The following VAPA variants were observed in gnomAD, a reference collection of about 807,000 sequenced individuals.
VAPA encodes VAMP associated protein A.
A neutral mutation model predicts 25.6 loss-of-function variants in VAPA; 6 were observed. The observed-to-expected ratio is 0.23, with a 90% confidence interval of 0.13 to 0.46. The LOEUF (loss-of-function observed/expected upper bound fraction) is 0.46. Among genes scored for constraint, VAPA ranks in the 20% least tolerant of loss-of-function variants. The pLI is 0.99. For synonymous variants in VAPA, 112 were observed against 106.2 expected, an observed-to-expected ratio of 1.05 and a Z score of -0.34; for missense variants, 244 against 302.1, an observed-to-expected ratio of 0.81 and a Z score of 1.43.
At chr18:9,944,531 G>A (rs941183255) in intron 4 of VAPA, among the ~76,000 whole-genome samples, 13 of 152,086 alleles carry the variant, frequency 8.5e-5, no homozygotes, top group African/African-American at 2.9e-4. Flanking sequence ...CAGATTGAGT[G>A]TTATCAAAGA....
intron 4 of VAPA, 163 bp from the exon 5 acceptor site, chr18:9,950,232 G>A: frequency 1.6e-6 from 1 of 631,284 alleles, no homozygotes; most frequent in Non-Finnish European, 2.7e-6. Flanking sequence ...GGAATAGAGG[G>A]AGTGGGCTGG....
At position 9,914,186 on chromosome 18, in the gene VAPA, C is replaced by T. The variant is rs2069088481; in HGVS notation, c.-71C>T. On this transcript the variant is annotated 5_prime_UTR_variant, in exon 1 of 6. Coordinates refer to ENST00000400000, the MANE Select transcript of VAPA (RefSeq NM_194434.3). ...TCCTAGAGCTCGGCCGAGCCGTCGC[C>T]GCCGTCGTCCCCCGCCCCCAGTCAG... 5.0e-6 allele frequency: 7 copies of T among 1,410,020 alleles called. No individual in the cohort carries two copies. The highest frequency in any genetic ancestry group is 1.5e-5 in the African/African-American group (1 of 66,582). 87.3% of individuals were successfully genotyped at this position (1,410,020 alleles called of 1,614,324 possible). A position where few individuals can be genotyped will look rare whatever the true frequency, so the allele number is the denominator to read the frequency against.
At chr18:9,939,782 C>T (rs1474275911) in intron 4 of VAPA, among the ~76,000 whole-genome samples, 1 of 152,096 alleles carries the variant, frequency 6.6e-6, no homozygotes, top group Admixed American at 6.6e-5. Flanking sequence ...CTACAGTTAA[C>T]CTGTTTAGTG....
At chr18:9,953,550 G>A (rs1309876146) in intron 5 of VAPA, among the ~76,000 whole-genome samples, 3 of 152,190 alleles carry the variant, frequency 2.0e-5, no homozygotes, top group Non-Finnish European at 4.4e-5. Flanking sequence ...CTGCTGTTCC[G>A]GTTCCTTAGT....
chr18:9,946,689 G>C (rs2069427589), intron 4 of VAPA, among the ~76,000 whole-genome samples: 2 of 152,052 alleles, frequency 1.3e-5, no homozygotes, highest in African/African-American at 4.8e-5. Context: ...AGAACTGGAA[G>C]TTGTTTTGGG....
At chr18:9,953,930 C>G in intron 5 of VAPA, 123 bp from the exon 6 acceptor site, 1 of 1,196,290 alleles carries the variant, frequency 8.4e-7, no homozygotes. Context: ...AGTTAATCCC[C>G]TTTTCCGTCC....
At chr18:9,923,259 AG>A (rs1319727109) in intron 1 of VAPA, among the ~76,000 whole-genome samples, 259 of 151,434 alleles carry the variant, frequency 1.7e-3, no homozygotes, top group Non-Finnish European at 2.9e-3. Flanking sequence ...TAGCTTTTTA[AG>A]GAAATGATTA....
chr18:9,954,083 C>T lies in VAPA; in HGVS notation c.622C>T (p.His208Tyr). 1 of 1,614,028 alleles carries T rather than the reference C, an allele frequency of 6.2e-7. No individual in the cohort carries two copies. The highest frequency in any genetic ancestry group is 8.5e-7 in the Non-Finnish European group (1 of 1,179,990). ...DEGLRLRKVA[H>Y]SDKPGSTSTA... ...AGGTTTAAGGCTCAGAAAGGTAGCA[C>T]ATTCGGATAAACCTGGATCAACCTC... Residue 208 changes from histidine (H) to tyrosine (Y), a missense_variant, in exon 6 of 6, where the codon CAT (histidine) becomes TAT (tyrosine). This residue lies in a region of VAPA where 145 missense variants were observed against 140.6 expected (regional missense o/e 1.03). Coordinates refer to ENST00000400000, the MANE Select transcript of VAPA (RefSeq NM_194434.3).
chr18:9,931,478 G>C (rs2069254245), intron 1 of VAPA, among the ~76,000 whole-genome samples: 1 of 152,128 alleles, frequency 6.6e-6, no homozygotes, highest in African/African-American at 2.4e-5. Context: ...AGACAACTGG[G>C]AAATTCTGTT....
chr18:9,921,764 A>G (rs978466696), intron 1 of VAPA, among the ~76,000 whole-genome samples: 13 of 152,216 alleles, frequency 8.5e-5, no homozygotes, highest in Non-Finnish European at 1.5e-4. Context: ...TTAACTTGCA[A>G]ATGCTTGTTT....
intron 5 of VAPA, among the ~76,000 whole-genome samples, chr18:9,951,761 G>A (rs1170028125): frequency 2.0e-5 from 3 of 152,130 alleles, no homozygotes; most frequent in East Asian, 1.9e-4. Context: ...CTTTTGTTAG[G>A]TGTATGTAGG....
Position 9,954,151 on chromosome 18 carries a change from A to C in VAPA, c.690A>C (p.Ser230=), listed in dbSNP as rs750038568. ...ATAATGTCACCAGTCCTCTTCCTTC[A>C]CTTCTTGTTGTAATTGCAGCCATTT... is the stretch of plus-strand genomic sequence containing the variant. The part of the protein sequence containing the change: ...FRDNVTSPLP[S]LLVVIAAIFI... The change falls in exon 6 of 6, where the codon TCA becomes TCC. Residue 230 remains serine (S), a synonymous_variant. Coordinates refer to ENST00000400000, the MANE Select transcript of VAPA (RefSeq NM_194434.3). 6.2e-7 allele frequency: 1 copy of C among 1,613,604 alleles called. No homozygotes were observed. Among genetic ancestry groups the C allele is most frequent in the Non-Finnish European group, 8.5e-7 (1 of 1,179,814 alleles).
In VAPA at chr18:9,956,696, A is replaced by G. The variant is rs2069554934; in HGVS notation, c.*2485A>G. Reference sequence around the variant, plus strand: ...CCAACTGTATTAATTGACTGATAATATGATAATATAGAGATTAAATTGTTT... The same window carrying G: ...CCAACTGTATTAATTGACTGATAATGTGATAATATAGAGATTAAATTGTTT... On this transcript the variant is annotated 3_prime_UTR_variant, in exon 6 of 6. Coordinates refer to ENST00000400000, the MANE Select transcript of VAPA (RefSeq NM_194434.3). 6.5e-6 allele frequency: 1 copy of G among 152,678 alleles called. No homozygotes were observed. Among genetic ancestry groups the G allele is most frequent in the Non-Finnish European group, 1.5e-5 (1 of 68,050 alleles). The allele number at this position is 152,678 out of a possible 1,614,324, so 9.5% of individuals were successfully genotyped here.
intron 2 of VAPA, among the ~76,000 whole-genome samples, 170 bp downstream of exon 2, chr18:9,932,132 C>G (rs975355439): frequency 6.6e-6 from 1 of 152,232 alleles, no homozygotes. Flanking sequence ...CAGAAAATTT[C>G]TCACTCATCT....
rs921695640 is a variant in VAPA, at chr18:9,934,571, G to A, written c.233-1539G>A. 5.5e-4 allele frequency among the ~76,000 whole-genome samples: 83 copies of A among 152,136 alleles called. 1 individual carries two copies. The highest frequency in any genetic ancestry group is 4.0e-4 in the Non-Finnish European group (27 of 68,030). On this transcript the variant is annotated intron_variant, in intron 2 of 5. Coordinates refer to ENST00000400000, the MANE Select transcript of VAPA (RefSeq NM_194434.3). ...CTTCTCAGACACACCTTATGAATAAGACTTTATTACATAATTATTTCTTAC... is the reference window on the plus strand; with the variant it reads ...CTTCTCAGACACACCTTATGAATAAAACTTTATTACATAATTATTTCTTAC...
chr18:9,945,592 G>A (rs2069414784), intron 4 of VAPA, among the ~76,000 whole-genome samples: 1 of 151,780 alleles, frequency 6.6e-6, no homozygotes. Context: ...ATTAAACTCC[G>A]ACCTCAGGTG....
chr18:9,921,325 G>GT (rs1000449308), intron 1 of VAPA, among the ~76,000 whole-genome samples: 13 of 152,060 alleles, frequency 8.5e-5, no homozygotes, highest in African/African-American at 1.7e-4. Context: ...TGATGTTTGT[G>GT]TTTTTTTCAT....
chr18:9,915,878 G>A (rs1004609833), intron 1 of VAPA: 1 of 152,190 alleles, frequency 6.6e-6, no homozygotes, highest in East Asian at 1.9e-4. Context: ...TATGTAAGTT[G>A]TGTGATTTTT....
chr18:9,931,598 A>G (rs958948256), intron 1 of VAPA, among the ~76,000 whole-genome samples: 1 of 152,214 alleles, frequency 6.6e-6, no homozygotes, highest in Non-Finnish European at 1.5e-5. Context: ...TATGGTAGAA[A>G]TTTTGTGAAA....
Sources: allele counts gnomAD v4.1 joint callset (sites outside exome capture counted in the v4.1 genomes callset), GRCh38; gene constraint gnomAD v4.1.1; regional missense constraint gnomAD v4.1.1; transcripts MANE v1.5; gene names NCBI Gene and HGNC (gene_info 2026-07-23, HGNC 2026-07-21).